Variants in RCSD1 observed in about 807,000 individuals in gnomAD.
RCSD1 encodes capZ-interacting protein.
A neutral mutation model predicts 42.5 loss-of-function variants in RCSD1; 26 were observed. The observed-to-expected ratio is 0.61, with a 90% CI of 0.45 to 0.85. The LOEUF (loss-of-function observed/expected upper bound fraction) is 0.85. Among genes scored for constraint, RCSD1 ranks in the 40% least tolerant of loss-of-function variants. The pLI is 0.00. For missense variants in RCSD1, 571 were observed against 528.3 expected (o/e 1.08, Z -0.79); for synonymous variants, 220 against 212.2 (o/e 1.04, Z -0.32).
chr1:167,690,443 G>T lies in RCSD1; in HGVS notation c.270+323G>T, dbSNP rs542057128. 2.0e-4 allele frequency among the ~76,000 whole-genome samples: 30 copies of T among 152,300 alleles called. No individual in the cohort carries two copies. In the South Asian group the frequency reaches 6.2e-3, roughly 32 times the overall value. ...AATCCCAGCACTTTGGGAGGCTGAG[G>T]CTGGAGGATCACGTGAGCCCAGGAG... On this transcript the variant is annotated intron_variant, in intron 4 of 6. Transcript: ENST00000367854.
rs770812639 is a variant in RCSD1 at position 167,645,531 on chromosome 1, C to G, written c.6+15102C>G. Among the ~76,000 whole-genome samples the G allele has an allele frequency of 3.4e-4, 51 of 152,170 alleles. 1 individual carries two copies. Among genetic ancestry groups the G allele is most frequent in the Admixed American group, 3.3e-4 (5 of 15,274 alleles). ...GGGAATTTCACAGAGAAAGAACATT[C>G]TCAACTTATTCAACTGAAGAAGGCT... is the stretch of plus-strand genomic sequence containing the variant. On this transcript the variant is annotated intron_variant, in intron 1 of 6. Coordinates refer to ENST00000367854, the MANE Select transcript of RCSD1 (RefSeq NM_052862.4).
intron 1 of RCSD1, among the ~76,000 whole-genome samples, chr1:167,655,924 T>C (rs1658416814): frequency 6.6e-6 from 1 of 152,190 alleles, no homozygotes; most frequent in African/African-American, 2.4e-5. Flanking sequence ...AACACCATGT[T>C]CTACTTGCAC....
chr1:167,643,012 G>A (rs1658045068), intron 1 of RCSD1, among the ~76,000 whole-genome samples: 2 of 152,166 alleles, frequency 1.3e-5, no homozygotes, highest in Non-Finnish European at 2.9e-5. Context: ...CATCAATCCT[G>A]GGTTTTAGGT....
intron 1 of RCSD1, among the ~76,000 whole-genome samples, chr1:167,651,132 A>T (rs1240388908): frequency 6.6e-6 from 1 of 152,046 alleles, no homozygotes; most frequent in Non-Finnish European, 1.5e-5. Flanking sequence ...GTTTTAACTT[A>T]ATTTCCTCTG....
chr1:167,683,025 C>G (rs143454019), intron 1 of RCSD1, among the ~76,000 whole-genome samples: 2 of 152,194 alleles, frequency 1.3e-5, no homozygotes, highest in East Asian at 3.8e-4. Flanking sequence ...CACTGACTTA[C>G]TCTGTGTGTC....
At chr1:167,642,686 TG>T (rs1254720711) in intron 1 of RCSD1, among the ~76,000 whole-genome samples, 2 of 152,214 alleles carry the variant, frequency 1.3e-5, no homozygotes, top group South Asian at 2.1e-4. Context: ...TTTGTGGCTA[TG>T]TGAGCAGCAT....
At chr1:167,683,034 T>C (rs1162844372) in intron 1 of RCSD1, among the ~76,000 whole-genome samples, 2 of 152,196 alleles carry the variant, frequency 1.3e-5, no homozygotes, top group African/African-American at 2.4e-5. Flanking sequence ...ACTCTGTGTG[T>C]CTTGGTGACA....
At position 167,697,014 on chromosome 1, in the gene RCSD1, A is replaced by G. The variant is rs1282293840; in HGVS notation, c.475-85A>G. 5 of 1,280,932 alleles carry G rather than the reference A, an allele frequency of 3.9e-6. No homozygotes were observed. The African/African-American group carries it at 7.5e-5, about 19-fold the overall frequency. The allele number at this position is 1,280,932 out of a possible 1,614,324, so 79.3% of individuals were successfully genotyped here. A position where few individuals can be genotyped will look rare whatever the true frequency, so the allele number is the denominator to read the frequency against. On this transcript the variant is annotated intron_variant, in intron 5 of 6. Coordinates refer to ENST00000367854, the MANE Select transcript of RCSD1 (RefSeq NM_052862.4). ...GCGTGGACTTGTGAAGCAGTGCACC[A>G]GACTGACATTGAAAGTGCATACAGT...
At chr1:167,643,075 C>T (rs955095365) in intron 1 of RCSD1, among the ~76,000 whole-genome samples, 2 of 152,316 alleles carry the variant, frequency 1.3e-5, no homozygotes, top group South Asian at 4.1e-4. Flanking sequence ...CTCTGTAAAA[C>T]CGATACCTGC....
intron 1 of RCSD1, among the ~76,000 whole-genome samples, chr1:167,679,537 C>T (rs950955046): frequency 3.3e-5 from 5 of 152,220 alleles, no homozygotes; most frequent in Admixed American, 2.0e-4. Context: ...CGTGGTCACA[C>T]TGGAAGGGGT....
At chr1:167,684,169 C>T (rs1281030113) in intron 2 of RCSD1, among the ~76,000 whole-genome samples, 168 bp downstream of exon 2, 1 of 152,230 alleles carries the variant, frequency 6.6e-6, no homozygotes, top group Non-Finnish European at 1.5e-5. Flanking sequence ...CTCACTGCTG[C>T]TGTGCCTGGA....
intron 1 of RCSD1, among the ~76,000 whole-genome samples, chr1:167,680,448 CTGTTTT>C (rs143240113): frequency 0.085 from 12,412 of 146,808 alleles, 605 homozygotes; most frequent in African/African-American, 0.12. Context: ...TAGATGAGCC[CTGTTTT>C]TGTTTTTGTT....
Position 167,632,627 on chromosome 1 carries a change from G to A in RCSD1, c.6+2198G>A, listed in dbSNP as rs150665777. ...AAATCACTCCCGTGCTAGGGTTTGG[G>A]AGGGACGCAGGGAGGGAATAGCTCA... On this transcript the variant is annotated intron_variant, in intron 1 of 6. Transcript: ENST00000367854. Among the ~76,000 whole-genome samples, 269 of 141,404 alleles carry A rather than the reference G, an allele frequency of 1.9e-3. 2 individuals carry two copies. The highest frequency in any genetic ancestry group is 3.3e-3 in the Non-Finnish European group (209 of 63,882). The allele number at this position is 141,404 out of a possible 152,430, so 92.8% of individuals were successfully genotyped here.
At chr1:167,684,516 TCTTAA>T (rs1167188665) in intron 2 of RCSD1, among the ~76,000 whole-genome samples, 1 of 146,176 alleles carries the variant, frequency 6.8e-6, no homozygotes, top group South Asian at 2.2e-4. Flanking sequence ...CAAGGGAGGG[TCTTAA>T]CTTTGGAGAG....
Position 167,697,818 on chromosome 1 carries a change from C to G in RCSD1, c.1194C>G (p.Ser398Arg). ...TGGAGACCAGCAGTGAGGTCCAGAG[C>G]GAGCCAGCAGTCCCCAAGCCGGAGG... ...AQLETSSEVQ[S>R]EPAVPKPEDD... is the part of the protein sequence containing the mutation. The change falls in exon 6 of 7, where the codon AGC (serine) becomes AGG (arginine). Residue 398 changes from serine (S) to arginine (R), a missense_variant. Coordinates refer to ENST00000367854, the MANE Select transcript of RCSD1 (RefSeq NM_052862.4). The G allele has an allele frequency of 6.8e-7, 1 of 1,467,844 alleles. No individual in the cohort carries two copies. Among genetic ancestry groups the G allele is most frequent in the Non-Finnish European group, 9.0e-7 (1 of 1,109,930 alleles). The allele number at this position is 1,467,844 out of a possible 1,614,324, so 90.9% of individuals were successfully genotyped here.
At chr1:167,632,434 G>A (rs1182948392) in intron 1 of RCSD1, among the ~76,000 whole-genome samples, 1 of 152,198 alleles carries the variant, frequency 6.6e-6, no homozygotes, top group Non-Finnish European at 1.5e-5. Context: ...CACAGAGGCA[G>A]TTTCTCCCCC....
chr1:167,660,794 A>G (rs1658524956), intron 1 of RCSD1, among the ~76,000 whole-genome samples: 1 of 152,126 alleles, frequency 6.6e-6, no homozygotes, highest in African/African-American at 2.4e-5. Flanking sequence ...CTTGCATTTG[A>G]TATACCCTGG....
intron 1 of RCSD1, among the ~76,000 whole-genome samples, chr1:167,646,354 G>A (rs868223370): frequency 5.9e-5 from 9 of 151,654 alleles, no homozygotes; most frequent in Middle Eastern, 3.4e-3. Flanking sequence ...AAGACAGCTC[G>A]GGACAGCCCT....
intron 1 of RCSD1, among the ~76,000 whole-genome samples, chr1:167,640,015 A>G (rs1041871767): frequency 3.9e-5 from 6 of 152,234 alleles, no homozygotes; most frequent in African/African-American, 1.4e-4. Context: ...AACAAGGATG[A>G]TTCCAAATGC....
Sources: allele counts gnomAD v4.1 joint callset (sites outside exome capture counted in the v4.1 genomes callset), GRCh38; gene constraint gnomAD v4.1.1; transcripts MANE v1.5; gene names NCBI Gene and HGNC (gene_info 2026-07-23, HGNC 2026-07-21).